GALNTL6: variants seen among roughly 807,000 people sequenced by gnomAD.
The protein encoded by GALNTL6 is polypeptide N-acetylgalactosaminyltransferase like 6.
In GALNTL6, 46 loss-of-function variants were observed where a neutral mutation model predicts 73.7. That is an observed-to-expected ratio of 0.62 (90% CI 0.49 to 0.80). The LOEUF (loss-of-function observed/expected upper bound fraction) is 0.80. Among genes scored for constraint, GALNTL6 ranks in the 30% least tolerant of loss-of-function variants. GALNTL6 has a pLI of 0.00. For synonymous variants in GALNTL6, 259 were observed against 263.7 expected, an observed-to-expected ratio of 0.98 and a Z score of 0.17; for missense variants, 604 against 755.0, an observed-to-expected ratio of 0.80 and a Z score of 2.34.
At chr4:172,128,410 A>G (rs946136046) in intron 2 of GALNTL6, among the ~76,000 whole-genome samples, 4 of 152,162 alleles carry the variant, frequency 2.6e-5, no homozygotes, top group African/African-American at 7.2e-5. Flanking sequence ...TAAAGATCCT[A>G]TAGATTTCCT....
At chr4:172,156,555 A>ATATATATATATATATAGTGTATATATG (rs1734291196) in intron 2 of GALNTL6, among the ~76,000 whole-genome samples, 1 of 136,462 alleles carries the variant, frequency 7.3e-6, no homozygotes, top group African/African-American at 2.9e-5. Context: ...ATATATATAT[A>ATATATATATATATATAGTGTATATATG]TATATATATA....
chr4:171,987,316 G>A (rs1740128325), intron 2 of GALNTL6, among the ~76,000 whole-genome samples: 1 of 152,176 alleles, frequency 6.6e-6, no homozygotes, highest in Non-Finnish European at 1.5e-5. Flanking sequence ...AATACTAAGA[G>A]CCTGAAAAAC....
At chr4:172,592,716 C>CTATCTATCTATCTATCGA (rs1553963436) in intron 5 of GALNTL6, among the ~76,000 whole-genome samples, 1 of 151,536 alleles carries the variant, frequency 6.6e-6, no homozygotes, top group Non-Finnish European at 1.5e-5. Flanking sequence ...ATCTATCTAT[C>CTATCTATCTATCTATCGA]GAGAGAGACT....
intron 7 of GALNTL6, among the ~76,000 whole-genome samples, chr4:172,878,476 A>G (rs1337793761): frequency 1.3e-5 from 2 of 151,924 alleles, no homozygotes; most frequent in African/African-American, 4.8e-5. Flanking sequence ...ATGATAACAA[A>G]GACATAGGCT....
chr4:172,809,477 AGAG>A lies in GALNTL6; in HGVS notation c.674_676del (p.Gly225del), dbSNP rs1741165640. 3 of 1,613,878 alleles carry A rather than the reference AGAG, an allele frequency of 1.9e-6. No individual in the cohort carries two copies. The highest frequency in any genetic ancestry group is 1.1e-5 in the South Asian group (1 of 91,046). ...CCGTCTCCTGGGGGCATCTATGGCC[AGAG>A]GAGAAGTCCTGACATTCCTGGACTC... On this transcript the variant is annotated inframe_deletion, in exon 6 of 13. Transcript: ENST00000506823. The surrounding 1 kb of genome is among the most constrained non-coding windows in gnomAD (Gnocchi z 4.4).
chr4:172,910,421 G>T (rs185705149), intron 8 of GALNTL6, among the ~76,000 whole-genome samples: 1 of 152,264 alleles, frequency 6.6e-6, no homozygotes, highest in African/African-American at 2.4e-5. Flanking sequence ...ATATGCCAAG[G>T]TGGAAGAGGA....
chr4:172,828,890 A>T (rs1742460546), intron 7 of GALNTL6, among the ~76,000 whole-genome samples: 1 of 152,196 alleles, frequency 6.6e-6, no homozygotes, highest in Non-Finnish European at 1.5e-5. Flanking sequence ...CTACAAACTG[A>T]GAGGCTTGAA....
chr4:172,074,862 G>A (rs1353342832), intron 2 of GALNTL6, among the ~76,000 whole-genome samples: 2 of 152,152 alleles, frequency 1.3e-5, no homozygotes, highest in East Asian at 3.9e-4. Context: ...GATTTGGGAG[G>A]AGTTTTACCT....
chr4:172,007,228 T>C (rs908013606), intron 2 of GALNTL6, among the ~76,000 whole-genome samples: 1 of 152,108 alleles, frequency 6.6e-6, no homozygotes, highest in Non-Finnish European at 1.5e-5. Flanking sequence ...TCACTATCTT[T>C]ATAATATTCA....
intron 4 of GALNTL6, among the ~76,000 whole-genome samples, chr4:172,335,053 C>T (rs1741264863): frequency 6.6e-6 from 1 of 151,358 alleles, no homozygotes; most frequent in South Asian, 2.1e-4. Context: ...CGATCTCTGC[C>T]CACTGCAAGC....
chr4:172,826,337 G>A (rs1039261716), intron 7 of GALNTL6, among the ~76,000 whole-genome samples: 1 of 152,204 alleles, frequency 6.6e-6, no homozygotes, highest in African/African-American at 2.4e-5. Context: ...GGACAGGCAG[G>A]ACTGTAGCCC....
chr4:171,943,064 G>GT (rs1738598292), intron 2 of GALNTL6, among the ~76,000 whole-genome samples: 5 of 152,066 alleles, frequency 3.3e-5, no homozygotes, highest in African/African-American at 1.2e-4. Context: ...CTCTCAAGGG[G>GT]GTAGGATTGT....
intron 2 of GALNTL6, among the ~76,000 whole-genome samples, chr4:172,177,774 C>CATATATGTGTGTGT (rs1735063552): frequency 6.0e-5 from 6 of 99,244 alleles, no homozygotes. Context: ...TATATGTACA[C>CATATATGTGTGTGT]ATATATACAC....
chr4:172,956,529 G>T (rs574677492), intron 10 of GALNTL6, among the ~76,000 whole-genome samples: 1 of 152,316 alleles, frequency 6.6e-6, no homozygotes, highest in South Asian at 2.1e-4. Flanking sequence ...AGCTGTGATG[G>T]CTTGGAGAAG....
rs542550225 is a variant in GALNTL6 at position 172,709,412 on chromosome 4, TGAAA to T, written c.554-99942_554-99939del. Among the ~76,000 whole-genome samples, 92 of 152,340 alleles carry T rather than the reference TGAAA, an allele frequency of 6.0e-4. 1 individual carries two copies. In the South Asian group the frequency reaches 0.015, roughly 25 times the overall value. ...CATCCTGTAGTTCAGAAAAGTGCTT[TGAAA>T]GAAAGATTTTCATTCTTGCCAGCCC... On this transcript the variant is annotated intron_variant, in intron 5 of 12. Coordinates refer to ENST00000506823, the MANE Select transcript of GALNTL6 (RefSeq NM_001034845.3).
At chr4:172,312,605 G>T (rs1437691824) in intron 4 of GALNTL6, among the ~76,000 whole-genome samples, 1 of 151,794 alleles carries the variant, frequency 6.6e-6, no homozygotes, top group African/African-American at 2.4e-5. Flanking sequence ...GTGAGAGAGA[G>T]AAAATCAAGG....
At chr4:172,135,424 AGAGAAAGAG>A (rs1733612588) in intron 2 of GALNTL6, among the ~76,000 whole-genome samples, 1 of 151,720 alleles carries the variant, frequency 6.6e-6, no homozygotes, top group Non-Finnish European at 1.5e-5. Context: ...AGAGAGAGAG[AGAGAAAGAG>A]AGAGAGTTGC....
chr4:171,988,682 G>A (rs1483594643), intron 2 of GALNTL6, among the ~76,000 whole-genome samples: 3 of 152,298 alleles, frequency 2.0e-5, no homozygotes, highest in African/African-American at 7.2e-5. Flanking sequence ...TGGGGGAATG[G>A]TAAGGAGAGT....
intron 2 of GALNTL6, among the ~76,000 whole-genome samples, chr4:172,201,098 C>A (rs1328242606): frequency 6.6e-6 from 1 of 151,894 alleles, no homozygotes; most frequent in Non-Finnish European, 1.5e-5. Context: ...CTTTGTTAAA[C>A]ACTGAAACAA....
Sources: gnomAD v4.1 joint callset for allele counts (sites outside exome capture counted in the v4.1 genomes callset) on GRCh38, gnomAD v4.1.1 for gene constraint, Gnocchi (gnomAD v3.1) non-coding constraint, MANE v1.5 for transcripts, NCBI Gene and HGNC (gene_info 2026-07-23, HGNC 2026-07-21) for gene names.